Variants in FOXO3 observed in about 807,000 individuals in gnomAD.
FOXO3 encodes the protein forkhead box O3.
In FOXO3, 4 loss-of-function variants were observed where a neutral mutation model predicts 41.9. The ratio of observed to expected loss-of-function variants is 0.10; its 90% CI spans 0.05 to 0.22. FOXO3 has a LOEUF of 0.22. Among genes scored for constraint, FOXO3 ranks in the 10% least tolerant of loss-of-function variants. The pLI, the probability that FOXO3 is intolerant of heterozygous loss-of-function variation, is 1.00. For synonymous variants in FOXO3, 318 were observed against 389.3 expected (o/e 0.82, Z 2.16); for missense variants, 534 against 906.8 (o/e 0.59, Z 5.28).
At chr6:108,597,523 C>A (rs910855801) in intron 1 of FOXO3, among the ~76,000 whole-genome samples, 1 of 152,016 alleles carries the variant, frequency 6.6e-6, no homozygotes, top group African/African-American at 2.4e-5. Flanking sequence ...TTGTACCTAA[C>A]AAATGGATAA....
chr6:108,657,425 G>A (rs1778719126), intron 1 of FOXO3, among the ~76,000 whole-genome samples: 1 of 152,130 alleles, frequency 6.6e-6, no homozygotes, highest in South Asian at 2.1e-4. Flanking sequence ...TGTGACAATT[G>A]CCTGAGCTCT....
intron 1 of FOXO3, among the ~76,000 whole-genome samples, chr6:108,564,238 C>T (rs546290607): frequency 2.0e-5 from 3 of 152,232 alleles, no homozygotes; most frequent in East Asian, 3.9e-4. Flanking sequence ...ATGGAGAAGG[C>T]CCTTTGAAAC....
chr6:108,566,345 A>G (rs1333989617), intron 1 of FOXO3, among the ~76,000 whole-genome samples: 3 of 152,222 alleles, frequency 2.0e-5, no homozygotes, highest in African/African-American at 7.2e-5. Flanking sequence ...AACATCTTTT[A>G]GTTAAACTTC....
intron 2 of FOXO3, among the ~76,000 whole-genome samples, chr6:108,678,904 C>T (rs1489734738): frequency 9.3e-6 from 1 of 107,954 alleles, no homozygotes; most frequent in East Asian, 3.6e-4. Flanking sequence ...GACGGAGTCT[C>T]GCTGTCGCTC....
At chr6:108,584,702 G>A (rs1320218251) in intron 1 of FOXO3, among the ~76,000 whole-genome samples, 10 of 152,116 alleles carry the variant, frequency 6.6e-5, no homozygotes, top group African/African-American at 2.4e-4. Flanking sequence ...GCATTTACTA[G>A]GATGTAGAGC....
At chr6:108,576,019 G>GT (rs1251262449) in intron 1 of FOXO3, among the ~76,000 whole-genome samples, 3 of 152,176 alleles carry the variant, frequency 2.0e-5, no homozygotes, top group Admixed American at 6.5e-5. Context: ...GCTGATGCTG[G>GT]TGTGAGCATG....
intron 1 of FOXO3, among the ~76,000 whole-genome samples, chr6:108,630,023 A>G (rs946231843): frequency 7.9e-5 from 12 of 152,200 alleles, no homozygotes; most frequent in Non-Finnish European, 1.5e-5. Context: ...AAACATGACC[A>G]GTTCTTTTCT....
intron 1 of FOXO3, among the ~76,000 whole-genome samples, chr6:108,571,614 A>G (rs983929827): frequency 1.3e-5 from 2 of 152,246 alleles, no homozygotes; most frequent in East Asian, 1.9e-4. Context: ...TGATGCAGTT[A>G]TAAGCCAAAG....
intron 1 of FOXO3, among the ~76,000 whole-genome samples, chr6:108,640,451 A>G (rs1056401497): frequency 3.3e-5 from 5 of 152,224 alleles, no homozygotes; most frequent in Non-Finnish European, 7.3e-5. Flanking sequence ...TGATGAACTA[A>G]ACTTTTACTA....
chr6:108,567,354 G>A (rs1775974885), intron 1 of FOXO3, among the ~76,000 whole-genome samples: 1 of 152,144 alleles, frequency 6.6e-6, no homozygotes, highest in Non-Finnish European at 1.5e-5. Context: ...AGCTCCACCT[G>A]GATTAGATAG....
chr6:108,572,173 G>A (rs984983552), intron 1 of FOXO3, among the ~76,000 whole-genome samples: 4 of 152,214 alleles, frequency 2.6e-5, no homozygotes, highest in African/African-American at 9.7e-5. Context: ...GTAAGTCCAT[G>A]AAATCTGGCT....
At chr6:108,670,082 G>A (rs1405475712) in intron 2 of FOXO3, among the ~76,000 whole-genome samples, 1 of 152,146 alleles carries the variant, frequency 6.6e-6, no homozygotes, top group African/African-American at 2.4e-5. Context: ...ATATGGAGAT[G>A]GGAGAAGGGG....
chr6:108,616,255 C>T (rs1297677195), intron 1 of FOXO3, among the ~76,000 whole-genome samples: 17 of 149,502 alleles, frequency 1.1e-4, no homozygotes, highest in African/African-American at 3.7e-4. Context: ...AGCTCCGCCT[C>T]GTGGGTTCAC....
At chr6:108,646,406 G>T (rs573416519) in intron 1 of FOXO3, among the ~76,000 whole-genome samples, 1 of 152,270 alleles carries the variant, frequency 6.6e-6, no homozygotes, top group East Asian at 1.9e-4. Flanking sequence ...AGTATCAACA[G>T]ATAGTGATAA....
rs1775768668 is a variant in FOXO3 at position 108,561,090 on chromosome 6, C to G, written c.-119C>G. On this transcript the variant is annotated 5_prime_UTR_variant, in exon 1 of 3. Transcript: ENST00000406360. ...TCTTCTTTGGTGCTTCCCCAGGCGG[C>G]GGCGGCGGCGCCCGGGAGCCGGAGC... 7.0e-7 allele frequency: 1 copy of G among 1,428,154 alleles called. No homozygotes were observed. The highest frequency in any genetic ancestry group is 9.1e-7 in the Non-Finnish European group (1 of 1,100,842). 88.5% of individuals were successfully genotyped at this position (1,428,154 alleles called of 1,614,324 possible). A position where few individuals can be genotyped will look rare whatever the true frequency, so the allele number is the denominator to read the frequency against.
chr6:108,575,846 T>C (rs1023595187), intron 1 of FOXO3, among the ~76,000 whole-genome samples: 13 of 152,218 alleles, frequency 8.5e-5, no homozygotes, highest in African/African-American at 3.1e-4. Flanking sequence ...TTGAGCAAGA[T>C]AATTTTAAGT....
At chr6:108,670,148 T>C (rs532823876) in intron 2 of FOXO3, among the ~76,000 whole-genome samples, 1 of 152,270 alleles carries the variant, frequency 6.6e-6, no homozygotes, top group African/African-American at 2.4e-5. Flanking sequence ...GAGGTCCTCC[T>C]TGGTCTTGGG....
intron 2 of FOXO3, among the ~76,000 whole-genome samples, chr6:108,679,458 C>G (rs895605848): frequency 2.0e-5 from 3 of 152,070 alleles, no homozygotes; most frequent in African/African-American, 7.2e-5. Context: ...CTAGGAAATC[C>G]CTCAGTCCGG....
chr6:108,669,936 C>T (rs899623641), intron 2 of FOXO3, among the ~76,000 whole-genome samples: 1 of 152,268 alleles, frequency 6.6e-6, no homozygotes, highest in African/African-American at 2.4e-5. Context: ...AGAACACAAA[C>T]AGGGTGAAAA....
Sources: allele counts gnomAD v4.1 joint callset (sites outside exome capture counted in the v4.1 genomes callset), GRCh38; gene constraint gnomAD v4.1.1; transcripts MANE v1.5; gene names NCBI Gene and HGNC (gene_info 2026-07-23, HGNC 2026-07-21).